SASH1: variants seen among roughly 807,000 people sequenced by gnomAD.
SASH1 encodes the protein SAM and SH3 domain containing 1, also known as SAM and SH3 domain-containing protein 1.
SASH1 carries 44 observed loss-of-function variants against 125.2 expected under a neutral mutation model. That is an observed-to-expected ratio of 0.35 (90% CI 0.28 to 0.45). The LOEUF (loss-of-function observed/expected upper bound fraction) is 0.45, where lower values mean the gene tolerates loss of function less well. SASH1 is among the 20% of genes least tolerant of loss of function. The probability of loss-of-function intolerance (pLI) is 1.00; values close to 1 mark genes in which losing one functional copy is unlikely to be tolerated. For synonymous variants in SASH1, 639 were observed against 649.1 expected, an observed-to-expected ratio of 0.98 and a Z score of 0.24; for missense variants, 1,426 against 1,614.5, an observed-to-expected ratio of 0.88 and a Z score of 2.00.
chr6:148,286,519 G>A lies in SASH1; in HGVS notation n.74+14142G>A, dbSNP rs945745303. The stretch of plus-strand genomic sequence containing the variant: ...AGAAATTAGTTTTCTCACTGTCCCA[G>A]AGGCTTGAAGTTGGAGATCCAAGTG... On this transcript the variant is annotated intron_variant and non_coding_transcript_variant, in intron 1 of 3. Transcript: ENST00000367469. Among the ~76,000 whole-genome samples the A allele has an allele frequency of 3.9e-5, 6 of 152,170 alleles. No homozygotes were observed. In the East Asian group the frequency reaches 1.2e-3, roughly 29 times the overall value.
At chr6:148,436,221 T>C (rs1020299578) in intron 2 of SASH1, among the ~76,000 whole-genome samples, 1 of 152,134 alleles carries the variant, frequency 6.6e-6, no homozygotes, top group African/African-American at 2.4e-5. Flanking sequence ...GAGGCTGTTA[T>C]AGGAGGCAAT....
chr6:148,338,990 C>A (rs112277322), upstream of SASH1, among the ~76,000 whole-genome samples: 28 of 114,690 alleles, frequency 2.4e-4, no homozygotes, highest in African/African-American at 8.6e-4. Context: ...GGGCAATGAG[C>A]GAGACTCTGT....
At chr6:148,443,842 T>A (rs1448838032) in intron 4 of SASH1, among the ~76,000 whole-genome samples, 1 of 152,224 alleles carries the variant, frequency 6.6e-6, no homozygotes, top group Non-Finnish European at 1.5e-5. Flanking sequence ...ATCTCACTAT[T>A]CCCTTACATC....
the SASH1 span, among the ~76,000 whole-genome samples, chr6:148,266,134 A>G: frequency 6.6e-6 from 1 of 152,042 alleles, no homozygotes; most frequent in Non-Finnish European, 1.5e-5. Context: ...CACCACGCCC[A>G]GCTAATTTTT....
Position 148,544,967 on chromosome 6 carries a change from A to C in SASH1, c.3348+149A>C. On this transcript the variant is annotated intron_variant, in intron 18 of 19. Transcript: ENST00000367467. The surrounding 1 kb of genome is among the most constrained non-coding windows in gnomAD (Gnocchi z 6.4). ...AATCCACGTGTCCACACCTTACTTG[A>C]CATGCATGTGTTCAGATATTGACAC... 1 of 678,836 alleles carries C rather than the reference A, an allele frequency of 1.5e-6. No individual in the cohort carries two copies. Among genetic ancestry groups the C allele is most frequent in the East Asian group, 2.7e-5 (1 of 36,496 alleles). 42.1% of individuals were successfully genotyped at this position (678,836 alleles called of 1,614,324 possible). A position where few individuals can be genotyped will look rare whatever the true frequency, so the allele number is the denominator to read the frequency against.
At chr6:148,378,340 C>G (rs1782993214) in intron 1 of SASH1, among the ~76,000 whole-genome samples, 1 of 150,788 alleles carries the variant, frequency 6.6e-6, no homozygotes. Flanking sequence ...AGGCATGAGC[C>G]ACTGAGCCCG....
intron 4 of SASH1, among the ~76,000 whole-genome samples, chr6:148,466,745 A>G (rs1777854530): frequency 6.7e-6 from 1 of 149,482 alleles, no homozygotes; most frequent in East Asian, 2.0e-4. Flanking sequence ...ACTTTTTAGA[A>G]GTTTTTTTTT....
intron 1 of SASH1, among the ~76,000 whole-genome samples, chr6:148,322,885 T>TTC (rs879875674): frequency 0.095 from 12,334 of 129,834 alleles, 1,238 homozygotes; most frequent in Admixed American, 0.11. Flanking sequence ...CTTTCTTTCT[T>TTC]TTTCTTCTTT....
rs1781977109 is a variant in SASH1, at chr6:148,538,074, C to G, written c.2096-2369C>G. 2.0e-5 allele frequency among the ~76,000 whole-genome samples: 3 copies of G among 152,242 alleles called. No individual in the cohort carries two copies. The South Asian group carries it at 6.2e-4, about 32-fold the overall frequency. ...GCACTACAGAGGAGAGGCACCTCAC[C>G]TCTTTTTCTCTTCTCCCTAATGAAG... On this transcript the variant is annotated intron_variant, in intron 16 of 19. Transcript: ENST00000367467.
At chr6:148,268,676 A>T (rs1046346545), upstream of SASH1, among the ~76,000 whole-genome samples, 8 of 152,204 alleles carry the variant, frequency 5.3e-5, no homozygotes, top group Admixed American at 5.2e-4. Context: ...TAAGTAGTTA[A>T]CCTTAAAATA....
chr6:148,388,509 G>A (rs1583068155), intron 1 of SASH1, among the ~76,000 whole-genome samples: 1 of 152,348 alleles, frequency 6.6e-6, no homozygotes, highest in African/African-American at 2.4e-5. Flanking sequence ...AGTCCTTCTT[G>A]TCTCCACACT....
chr6:148,526,867 C>CT (rs756675931), intron 11 of SASH1, among the ~76,000 whole-genome samples: 2,541 of 123,158 alleles, frequency 0.021, 75 homozygotes, highest in African/African-American at 0.063. Flanking sequence ...ATGTAAATCA[C>CT]TTTTTTTTTT....
chr6:148,423,012 T>C (rs1033990188), intron 2 of SASH1, among the ~76,000 whole-genome samples: 6 of 152,268 alleles, frequency 3.9e-5, no homozygotes, highest in East Asian at 1.9e-4. Context: ...GATCTCGGCT[T>C]ACTGCAACCT....
intron 7 of SASH1, among the ~76,000 whole-genome samples, chr6:148,486,135 C>T (rs1778829621): frequency 6.6e-6 from 1 of 152,136 alleles, no homozygotes; most frequent in South Asian, 2.1e-4. Context: ...TCCTTTCTTT[C>T]TTTCCTCGGA....
chr6:148,288,939 C>G (rs1035419435), intron 1 of SASH1, among the ~76,000 whole-genome samples: 1 of 152,188 alleles, frequency 6.6e-6, no homozygotes, highest in African/African-American at 2.4e-5. Flanking sequence ...AAAGTGGAGA[C>G]AGCTGAATCC....
At chr6:148,201,059 C>T in the SASH1 span, among the ~76,000 whole-genome samples, 9 of 152,040 alleles carry the variant, frequency 5.9e-5, no homozygotes, top group Non-Finnish European at 1.3e-4. Flanking sequence ...CCATCTACCA[C>T]GTAAATATGT....
At chr6:148,246,806 T>G in the SASH1 span, among the ~76,000 whole-genome samples, 1 of 152,232 alleles carries the variant, frequency 6.6e-6, no homozygotes, top group Non-Finnish European at 1.5e-5. Context: ...TAAATTTAAC[T>G]AAAAGTTTGC....
intron 1 of SASH1, among the ~76,000 whole-genome samples, chr6:148,375,186 T>C (rs1743518228): frequency 6.6e-6 from 1 of 151,774 alleles, no homozygotes; most frequent in East Asian, 1.9e-4. Flanking sequence ...GAGATAGGGT[T>C]TCACCATGTT....
At chr6:148,534,003 C>A (rs1781688422) in intron 15 of SASH1, 23 bp downstream of exon 15, 1 of 1,605,296 alleles carries the variant, frequency 6.2e-7, no homozygotes, top group South Asian at 1.1e-5. Flanking sequence ...TGATTCTTGT[C>A]ACACGCTACT....
Sources: allele counts gnomAD v4.1 joint callset (sites outside exome capture counted in the v4.1 genomes callset), GRCh38; gene constraint gnomAD v4.1.1; non-coding constraint Gnocchi (gnomAD v3.1); transcripts MANE v1.5; gene names NCBI Gene and HGNC (gene_info 2026-07-23, HGNC 2026-07-21).